SOAT2: variants seen among roughly 807,000 people sequenced by gnomAD.
The protein encoded by SOAT2 is ACAT-2.
Under a neutral mutation model 76.0 loss-of-function variants are expected in SOAT2, and 87 were observed. That is an observed-to-expected ratio of 1.14 (90% CI 0.96 to 1.37). The LOEUF (loss-of-function observed/expected upper bound fraction) is 1.37, where lower values mean the gene tolerates loss of function less well. Ranked by LOEUF, SOAT2 falls within the 40% of genes most tolerant of loss-of-function variation. SOAT2 has a pLI of 0.00. For synonymous variants in SOAT2, 285 were observed against 275.4 expected, an observed-to-expected ratio of 1.03 and a Z score of -0.34; for missense variants, 686 against 682.1, an observed-to-expected ratio of 1.01 and a Z score of -0.06.
At chr12:53,107,937 A>G (rs1250393962) in intron 5 of SOAT2, among the ~76,000 whole-genome samples, 2 of 152,252 alleles carry the variant, frequency 1.3e-5, no homozygotes, top group Non-Finnish European at 2.9e-5. Context: ...TTTTTGAAAC[A>G]TAATTTTTCT....
chr12:53,104,857 C>A (rs1009961453), intron 2 of SOAT2, among the ~76,000 whole-genome samples: 10 of 151,920 alleles, frequency 6.6e-5, no homozygotes, highest in African/African-American at 2.4e-4. Flanking sequence ...GCTTGTTCAT[C>A]TTTTTACCAC....
rs928928714 is a variant in SOAT2 at position 53,105,559 on chromosome 12, A to G, written c.276-2A>G. 6.2e-7 allele frequency: 1 copy of G among 1,610,604 alleles called. No homozygotes were observed. Among genetic ancestry groups the G allele is most frequent in the Admixed American group, 1.7e-5 (1 of 59,798 alleles). On this transcript the variant is annotated splice_acceptor_variant, in intron 3 of 14. Transcript: ENST00000301466. LOFTEE classifies it high-confidence loss of function. ...TGACCCTGAACAAACATCTCAATTCAGGACCCAGGAGCCATCCCTGGGGAA... is the reference window on the plus strand; with the variant it reads ...TGACCCTGAACAAACATCTCAATTCGGGACCCAGGAGCCATCCCTGGGGAA...
Position 53,106,584 on chromosome 12 carries a change from G to A in SOAT2, c.443+570G>A, listed in dbSNP as rs573043623. ...CCCACTATTCCCAGACCAAACTGAGGGTTGGGGCTGCTATTTCTCATGGCC... is the reference window on the plus strand; with the variant it reads ...CCCACTATTCCCAGACCAAACTGAGAGTTGGGGCTGCTATTTCTCATGGCC... On this transcript the variant is annotated intron_variant, in intron 5 of 14. Transcript: ENST00000301466. Among the ~76,000 whole-genome samples the A allele has an allele frequency of 1.5e-3, 221 of 152,342 alleles. 1 individual carries two copies. Among genetic ancestry groups the A allele is most frequent in the African/African-American group, 5.1e-3 (213 of 41,584 alleles).
intron 5 of SOAT2, among the ~76,000 whole-genome samples, chr12:53,106,392 G>C (rs571515865): frequency 6.6e-6 from 1 of 152,234 alleles, no homozygotes; most frequent in South Asian, 2.1e-4. Flanking sequence ...AGAGAAATGA[G>C]GGGGGCAGAC....
Position 53,104,343 on chromosome 12 carries a change from G to C in SOAT2, c.138+137G>C, listed in dbSNP as rs558680726. The C allele has an allele frequency of 9.9e-5, 61 of 614,306 alleles. No homozygotes were observed. The East Asian group carries it at 2.0e-3, about 21-fold the overall frequency. 38.1% of individuals were successfully genotyped at this position (614,306 alleles called of 1,614,324 possible). ...GTCTCGCTCTGTTGCTCAGGCTGGAGTGCATTGGCACAATCTCGGCTCACT... is the reference window on the plus strand; with the variant it reads ...GTCTCGCTCTGTTGCTCAGGCTGGACTGCATTGGCACAATCTCGGCTCACT... On this transcript the variant is annotated intron_variant, in intron 2 of 14. Coordinates refer to ENST00000301466, the MANE Select transcript of SOAT2 (RefSeq NM_003578.4).
At chr12:53,123,664 G>A (rs1352814796) in intron 13 of SOAT2, 64 bp from the exon 14 acceptor site, 3 of 1,587,764 alleles carry the variant, frequency 1.9e-6, no homozygotes. Context: ...CCCTGGAATG[G>A]GAGGGAAGCC....
chr12:53,123,952 A>G (rs537682111), intron 14 of SOAT2, 79 bp downstream of exon 14: 1 of 1,605,482 alleles, frequency 6.2e-7, no homozygotes, highest in African/African-American at 1.3e-5. Flanking sequence ...TTGTTCCCCA[A>G]CTCACCGGCC....
At position 53,124,161 on chromosome 12, in the gene SOAT2, C is replaced by CA. The variant is rs760506044; in HGVS notation, c.*40dup. The CA allele has an allele frequency of 1.7e-5, 27 of 1,611,408 alleles. No individual in the cohort carries two copies. The East Asian group carries it at 6.0e-4, about 36-fold the overall frequency. On this transcript the variant is annotated 3_prime_UTR_variant, in exon 15 of 15. Transcript: ENST00000301466. ...ACGACGCTACCTGCCCAGACACCAC[C>CA]AAGTTCTCTGCCTGCAAAACCTGGG...
chr12:53,105,857 A>G, intron 4 of SOAT2, 50 bp from the exon 5 acceptor site: 1 of 1,101,152 alleles, frequency 9.1e-7, no homozygotes. Context: ...GCTAGTTCAC[A>G]CAACCCTGAG....
intron 5 of SOAT2, among the ~76,000 whole-genome samples, chr12:53,107,467 T>C (rs1053347997): frequency 1.3e-5 from 2 of 151,966 alleles, no homozygotes; most frequent in African/African-American, 2.4e-5. Context: ...GATTACCAAT[T>C]AGGAAGAATG....
chr12:53,116,069 C>A, intron 6 of SOAT2, 28 bp from the exon 7 acceptor site: 2 of 1,608,440 alleles, frequency 1.2e-6, no homozygotes, highest in Middle Eastern at 1.7e-4. Context: ...CACACAGCAA[C>A]TTTTCCTCCC....
In SOAT2 at chr12:53,121,350, C is replaced by T. The variant is rs200619512; in HGVS notation, c.1185C>T (p.Asn395=). Residue 395 remains asparagine (N), a synonymous_variant, in exon 12 of 15, where the codon AAC becomes AAT. Transcript: ENST00000301466. ...TSFSNYYRTW[N]VVVHDWLYSY... ...TCTCCAACTACTACCGCACTTGGAA[C>T]GTGGTGGTCCATGACTGGCTGTACA... The T allele has an allele frequency of 2.8e-5, 45 of 1,614,170 alleles. No homozygotes were observed. Among genetic ancestry groups the T allele is most frequent in the South Asian group, 6.6e-5 (6 of 91,084 alleles).
intron 12 of SOAT2, among the ~76,000 whole-genome samples, chr12:53,122,679 CAGA>C (rs1019218809): frequency 6.6e-6 from 1 of 152,074 alleles, no homozygotes; most frequent in Non-Finnish European, 1.5e-5. Flanking sequence ...GATCCCAAGG[CAGA>C]AGAATTTTTC....
rs1368535045 is a variant in SOAT2 at position 53,115,420 on chromosome 12, C to T, written c.474C>T (p.Phe158=). The change falls in exon 6 of 15, where the codon TTC becomes TTT. Residue 158 remains phenylalanine (F), a synonymous_variant. Transcript: ENST00000301466. ...TGCTGGAGTTTGACCTACTGATCTT[C>T]AGCTTCGGACAGCTGCCATTGGCGC... ...RLLLEFDLLI[F]SFGQLPLALV... The T allele has an allele frequency of 6.2e-7, 1 of 1,610,168 alleles. No individual in the cohort carries two copies. Among genetic ancestry groups the T allele is most frequent in the Non-Finnish European group, 8.5e-7 (1 of 1,178,424 alleles).
rs573050983 is a variant in SOAT2 at position 53,120,481 on chromosome 12, T to A, written c.1040-305T>A. 6.5e-3 allele frequency among the ~76,000 whole-genome samples: 982 copies of A among 151,072 alleles called. 7 individuals are homozygous for A. The highest frequency in any genetic ancestry group is 0.02 in the African/African-American group (832 of 41,144). ...CTCCGTCTCAAAAAAATAATAATAA[T>A]AAAAAAAATTAGCTGGGAGTGGTGG... On this transcript the variant is annotated intron_variant, in intron 10 of 14. Coordinates refer to ENST00000301466, the MANE Select transcript of SOAT2 (RefSeq NM_003578.4).
chr12:53,105,917 G>A lies in SOAT2; in HGVS notation c.346G>A (p.Glu116Lys), dbSNP rs147720890. ...CCCCTGTCCCTCTAGTGAGCTGATG[G>A]AGGTGCAGCATTTCCGCACCATCTA... is the stretch of plus-strand genomic sequence containing the variant. ...IRKSLLDELM[E>K]VQHFRTIYHM... Residue 116 changes from glutamate to lysine, a missense_variant, in exon 5 of 15, where the codon GAG becomes AAG. Transcript: ENST00000301466. 1.4e-4 allele frequency: 211 copies of A among 1,494,658 alleles called. 1 individual carries two copies. Among genetic ancestry groups the A allele is most frequent in the Middle Eastern group, 1.3e-3 (7 of 5,582 alleles). 92.6% of individuals were successfully genotyped at this position (1,494,658 alleles called of 1,614,324 possible).
intron 13 of SOAT2, 114 bp downstream of exon 13, chr12:53,123,330 GCT>G: frequency 7.4e-7 from 1 of 1,352,432 alleles, no homozygotes; most frequent in East Asian, 2.3e-5. Flanking sequence ...TGGAGGCAAG[GCT>G]GCTGAGACTG....
intron 7 of SOAT2, among the ~76,000 whole-genome samples, chr12:53,117,377 T>C (rs1938121159): frequency 1.3e-5 from 2 of 150,354 alleles, no homozygotes; most frequent in African/African-American, 2.5e-5. Context: ...AGTGTTGGGA[T>C]TACAGGAGTG....
In SOAT2 at chr12:53,118,381, C is replaced by G. The variant is rs765135497; in HGVS notation, c.810C>G (p.Ser270Arg). Residue 270 changes from serine to arginine, a missense_variant, in exon 8 of 15, where the codon AGC (serine) becomes AGG (arginine). Transcript: ENST00000301466. Reference sequence around the variant, plus strand: ...GGATCCAGGCCCCCAGTTTCTCCAGCTACCTCTACTTCCTCTTCTGCCCAA... The same window carrying G: ...GGATCCAGGCCCCCAGTTTCTCCAGGTACCTCTACTTCCTCTTCTGCCCAA... ...GEGIQAPSFSSYLYFLFCPTL... is the reference protein window; with the variant it reads ...GEGIQAPSFSRYLYFLFCPTL... 6.2e-7 allele frequency: 1 copy of G among 1,613,734 alleles called. No homozygotes were observed. The highest frequency in any genetic ancestry group is 2.2e-5 in the East Asian group (1 of 44,862).
Sources: gnomAD v4.1 joint callset for allele counts (sites outside exome capture counted in the v4.1 genomes callset) on GRCh38, gnomAD v4.1.1 for gene constraint, MANE v1.5 for transcripts, NCBI Gene and HGNC (gene_info 2026-07-23, HGNC 2026-07-21) for gene names.